The following MAP2K7 variants were observed in gnomAD, a reference collection of about 807,000 sequenced individuals.
MAP2K7 encodes dual specificity mitogen-activated protein kinase kinase 7.
A neutral mutation model predicts 47.7 loss-of-function variants in MAP2K7; 12 were observed. The ratio of observed to expected loss-of-function variants is 0.25; its 90% confidence interval spans 0.16 to 0.41. The LOEUF (loss-of-function observed/expected upper bound fraction) is 0.41, where lower values mean the gene tolerates loss of function less well. Ranked by LOEUF, MAP2K7 falls within the 10% of genes least tolerant of loss-of-function variation. MAP2K7 has a pLI of 1.00. For synonymous variants in MAP2K7, 299 were observed against 243.0 expected, an observed-to-expected ratio of 1.23 and a Z score of -2.14; for missense variants, 415 against 600.3, an observed-to-expected ratio of 0.69 and a Z score of 3.23.
rs201356015 is a variant in MAP2K7, at chr19:7,912,134, C to T, written c.1080-15C>T. The T allele has an allele frequency of 3.7e-6, 6 of 1,613,658 alleles. No homozygotes were observed. The East Asian group carries it at 6.7e-5, about 18-fold the overall frequency. ...TCCCTCGTTCTCACATCTGTCTTCC[C>T]TTCTCTTGCTCTAGCCTTACTAAAG... On this transcript the variant is annotated splice_polypyrimidine_tract_variant and intron_variant, in intron 9 of 10. Coordinates refer to ENST00000397979, the MANE Select transcript of MAP2K7 (RefSeq NM_145185.4).
Position 7,910,702 on chromosome 19 carries a change from G to T in MAP2K7, c.574G>T (p.Val192Phe). ...CFGTFITNTDVFIAMELMGTC... is the reference protein window; with the variant it reads ...CFGTFITNTDFFIAMELMGTC... The stretch of plus-strand genomic sequence containing the variant: ...GGTGCCCCTCTCCCTGCAGACGGAC[G>T]TCTTCATCGCCATGGAGCTCATGGG... Residue 192 changes from valine (V) to phenylalanine (F), a missense_variant, in exon 6 of 11, where the codon GTC becomes TTC. Coordinates refer to ENST00000397979, the MANE Select transcript of MAP2K7 (RefSeq NM_145185.4). The T allele has an allele frequency of 6.2e-7, 1 of 1,609,318 alleles. No individual in the cohort carries two copies. Among genetic ancestry groups the T allele is most frequent in the Non-Finnish European group, 8.5e-7 (1 of 1,177,508 alleles).
In MAP2K7 at chr19:7,912,347, C is replaced by G; in HGVS notation, c.1176C>G (p.Ser392=). ...AGACGCTGGAGGTGGACGTGGCGTC[C>G]TGGTTCAAGGATGTCATGGCGAAGA... ...RYETLEVDVA[S]WFKDVMAKTE... Residue 392 remains serine (S), a synonymous_variant, in exon 11 of 11, where the codon TCC becomes TCG. Transcript: ENST00000397979. 1.2e-6 allele frequency: 2 copies of G among 1,613,554 alleles called. No homozygotes were observed. The highest frequency in any genetic ancestry group is 1.7e-6 in the Non-Finnish European group (2 of 1,179,994).
Position 7,912,802 on chromosome 19 carries a change from C to A in MAP2K7, c.*371C>A, listed in dbSNP as rs1173563188. Reference sequence around the variant, plus strand: ...CGCTCCCAGCGTGCTGTGTCCTTCGCCACTCCCACGCGCCCGTTCCTCTTC... The same window carrying A: ...CGCTCCCAGCGTGCTGTGTCCTTCGACACTCCCACGCGCCCGTTCCTCTTC... On this transcript the variant is annotated 3_prime_UTR_variant, in exon 11 of 11. Transcript: ENST00000397979. 7.5e-6 allele frequency: 2 copies of A among 266,898 alleles called. No homozygotes were observed. The highest frequency in any genetic ancestry group is 1.5e-5 in the Non-Finnish European group (2 of 137,716). 16.5% of individuals were successfully genotyped at this position (266,898 alleles called of 1,614,324 possible). A position where few individuals can be genotyped will look rare whatever the true frequency, so the allele number is the denominator to read the frequency against.
At chr19:7,909,127 C>T (rs1255474633) in intron 1 of MAP2K7, among the ~76,000 whole-genome samples, 6 of 152,216 alleles carry the variant, frequency 3.9e-5, no homozygotes. Context: ...CTGTCCTGCC[C>T]CCATGGGCCC....
chr19:7,912,316 G>A lies in MAP2K7; in HGVS notation c.1145G>A (p.Arg382His), dbSNP rs759229847. The A allele has an allele frequency of 3.5e-5, 56 of 1,613,540 alleles. No individual in the cohort carries two copies. The highest frequency in any genetic ancestry group is 4.4e-5 in the South Asian group (4 of 91,088). The change falls in exon 11 of 11, where the codon CGC becomes CAC. Residue 382 changes from arginine (R) to histidine (H), a missense_variant. Arg to His is a conservative substitution (Grantham distance 29). Around this residue, in one of 3 missense-constraint regions of MAP2K7, gnomAD observed 94 missense variants for 105.2 expected, o/e 0.89. Transcript: ENST00000397979. Reference protein sequence around the residue: ...NKLLEHSFIKRYETLEVDVAS... With the variant: ...NKLLEHSFIKHYETLEVDVAS... ...CCACAGGAACACAGCTTCATCAAGC[G>A]CTACGAGACGCTGGAGGTGGACGTG...
In MAP2K7 at chr19:7,912,447, C is replaced by T. The variant is rs1424137577; in HGVS notation, c.*16C>T. Reference sequence around the variant, plus strand: ...CTTCAGGTAGCTGCTTGGCGGCGGCCAGCCCCACAGGGGGCCAGGGGCATG... The same window carrying T: ...CTTCAGGTAGCTGCTTGGCGGCGGCTAGCCCCACAGGGGGCCAGGGGCATG... On this transcript the variant is annotated 3_prime_UTR_variant, in exon 11 of 11. Coordinates refer to ENST00000397979, the MANE Select transcript of MAP2K7 (RefSeq NM_145185.4). The T allele has an allele frequency of 1.9e-6, 3 of 1,604,740 alleles. No individual in the cohort carries two copies. Among genetic ancestry groups the T allele is most frequent in the Non-Finnish European group, 2.5e-6 (3 of 1,178,152 alleles).
rs377699571 is a variant in MAP2K7 at position 7,912,387 on chromosome 19, A to T, written c.1216A>T (p.Thr406Ser). ...CATGGCGAAGACTGAGTCACCGCGG[A>T]CTAGCGGCGTCCTGAGCCAGCCCCA... ...DVMAKTESPR[T>S]SGVLSQPHLP... is the part of the protein sequence containing the mutation. The change falls in exon 11 of 11, where the codon ACT becomes TCT. Residue 406 changes from threonine (T) to serine (S), a missense_variant. This residue lies in a region of MAP2K7 where 94 missense variants were observed against 105.2 expected (regional missense o/e 0.89). Coordinates refer to ENST00000397979, the MANE Select transcript of MAP2K7 (RefSeq NM_145185.4). 4.0e-5 allele frequency: 64 copies of T among 1,612,788 alleles called. No homozygotes were observed. The highest frequency in any genetic ancestry group is 4.9e-5 in the Non-Finnish European group (58 of 1,179,974).
At chr19:7,912,063 C>T (rs1461937568) in intron 9 of MAP2K7, 86 bp from the exon 10 acceptor site, 1 of 1,299,194 alleles carries the variant, frequency 7.7e-7, no homozygotes, top group East Asian at 2.3e-5. Flanking sequence ...GACCCCTGGC[C>T]CCTTGGGGAG....
At position 7,913,045 on chromosome 19, in the gene MAP2K7, T is replaced by C. The variant is rs888406673; in HGVS notation, c.*614T>C. The stretch of plus-strand genomic sequence containing the variant: ...GCTGGACGGGGCTGCGCGCTCGCGC[T>C]CTCTCTCTCTCTCTCTCTCTCTCTT... On this transcript the variant is annotated 3_prime_UTR_variant, in exon 11 of 11. Transcript: ENST00000397979. 1 of 148,960 alleles carries C rather than the reference T, an allele frequency of 6.7e-6. No individual in the cohort carries two copies. The highest frequency in any genetic ancestry group is 1.5e-5 in the Non-Finnish European group (1 of 67,240). The allele number at this position is 148,960 out of a possible 1,614,324, so 9.2% of individuals were successfully genotyped here.
intron 1 of MAP2K7, 90 bp downstream of exon 1, chr19:7,904,158 C>G: frequency 9.4e-7 from 1 of 1,066,822 alleles, no homozygotes. Flanking sequence ...GCCCCGCCCC[C>G]GCTTCCGGGG....
At chr19:7,909,186 G>A (rs760071244) in intron 1 of MAP2K7, among the ~76,000 whole-genome samples, 8 of 152,204 alleles carry the variant, frequency 5.3e-5, no homozygotes, top group South Asian at 2.1e-4. Context: ...CCACTGGCCC[G>A]AGGGGGGCCC....
rs985411391 is a variant in MAP2K7, at chr19:7,907,555, C to T, written c.125-2200C>T. Reference sequence around the variant, plus strand: ...CTCTCACTCCACCCTCCTGAGCTGCCATGTGGCCATCACCACCTCTGTGGC... The same window carrying T: ...CTCTCACTCCACCCTCCTGAGCTGCTATGTGGCCATCACCACCTCTGTGGC... On this transcript the variant is annotated intron_variant, in intron 1 of 10. Coordinates refer to ENST00000397979, the MANE Select transcript of MAP2K7 (RefSeq NM_145185.4). 2.6e-5 allele frequency among the ~76,000 whole-genome samples: 4 copies of T among 152,218 alleles called. No individual in the cohort carries two copies. In the East Asian group the frequency reaches 7.7e-4, roughly 29 times the overall value.
chr19:7,912,330 G>C lies in MAP2K7; in HGVS notation c.1159G>C (p.Glu387Gln). The change falls in exon 11 of 11, where the codon GAG (glutamate) becomes CAG (glutamine). Residue 387 changes from glutamate to glutamine, a missense_variant. Glu to Gln is a conservative substitution (Grantham distance 29). Transcript: ENST00000397979. The part of the protein sequence containing the change: ...HSFIKRYETL[E>Q]VDVASWFKDV... ...CTTCATCAAGCGCTACGAGACGCTGGAGGTGGACGTGGCGTCCTGGTTCAA... is the reference window on the plus strand; with the variant it reads ...CTTCATCAAGCGCTACGAGACGCTGCAGGTGGACGTGGCGTCCTGGTTCAA... 6.2e-7 allele frequency: 1 copy of C among 1,613,666 alleles called. No individual in the cohort carries two copies. Among genetic ancestry groups the C allele is most frequent in the Non-Finnish European group, 8.5e-7 (1 of 1,179,994 alleles).
chr19:7,912,783 C>T lies in MAP2K7; in HGVS notation c.*352C>T, dbSNP rs1019543531. ...GTCCCGCAGCCACCATGCACGCTCC[C>T]AGCGTGCTGTGTCCTTCGCCACTCC... On this transcript the variant is annotated 3_prime_UTR_variant, in exon 11 of 11. Transcript: ENST00000397979. The T allele has an allele frequency of 2.8e-5, 9 of 324,996 alleles. No individual in the cohort carries two copies. Among genetic ancestry groups the T allele is most frequent in the African/African-American group, 1.3e-4 (6 of 46,424 alleles). The allele number at this position is 324,996 out of a possible 1,614,324, so 20.1% of individuals were successfully genotyped here.
rs1599631425 is a variant in MAP2K7 at position 7,913,045 on chromosome 19, TCTCTCTC to T, written c.*615_*621del. The T allele has an allele frequency of 2.7e-5, 4 of 148,962 alleles. No individual in the cohort carries two copies. Among genetic ancestry groups the T allele is most frequent in the South Asian group, 4.2e-4 (2 of 4,778 alleles). The allele number at this position is 148,962 out of a possible 1,614,324, so 9.2% of individuals were successfully genotyped here. ...GCTGGACGGGGCTGCGCGCTCGCGC[TCTCTCTC>T]TCTCTCTCTCTCTCTCTTTGATCTC... On this transcript the variant is annotated 3_prime_UTR_variant, in exon 11 of 11. Coordinates refer to ENST00000397979, the MANE Select transcript of MAP2K7 (RefSeq NM_145185.4).
In MAP2K7 at chr19:7,914,284, CT is replaced by C. The variant is rs1475980144; in HGVS notation, c.*1854del. The C allele has an allele frequency of 6.6e-6, 1 of 152,528 alleles. No individual in the cohort carries two copies. Among genetic ancestry groups the C allele is most frequent in the African/African-American group, 2.4e-5 (1 of 41,460 alleles). 9.4% of individuals were successfully genotyped at this position (152,528 alleles called of 1,614,324 possible). A position where few individuals can be genotyped will look rare whatever the true frequency, so the allele number is the denominator to read the frequency against. ...CCCAGCCTCTCCCAAGACCTCCCCC[CT>C]CGTCACCAGCCATCCCTCTGGACCA... On this transcript the variant is annotated 3_prime_UTR_variant, in exon 11 of 11. Transcript: ENST00000397979.
intron 1 of MAP2K7, among the ~76,000 whole-genome samples, chr19:7,908,033 C>T (rs1380359192): frequency 6.6e-6 from 1 of 152,028 alleles, no homozygotes; most frequent in Non-Finnish European, 1.5e-5. Context: ...GGTGTGGTGG[C>T]GTGTACCTAT....
chr19:7,911,906 T>TG (rs1423162722), intron 9 of MAP2K7, among the ~76,000 whole-genome samples: 2 of 152,118 alleles, frequency 1.3e-5, no homozygotes, highest in African/African-American at 4.8e-5. Context: ...CCCACCTTTC[T>TG]GGGGGACCTC....
intron 1 of MAP2K7, among the ~76,000 whole-genome samples, chr19:7,904,982 C>T (rs1012455070): frequency 2.6e-5 from 4 of 151,622 alleles, no homozygotes; most frequent in Non-Finnish European, 4.4e-5. Context: ...TACCTACCTC[C>T]CTGACACCTT....
Sources: gnomAD v4.1 joint callset for allele counts (sites outside exome capture counted in the v4.1 genomes callset) on GRCh38, gnomAD v4.1.1 for gene constraint, gnomAD v4.1.1 regional missense constraint, MANE v1.5 for transcripts, NCBI Gene and HGNC (gene_info 2026-07-23, HGNC 2026-07-21) for gene names.